Variants in ARK2N observed in about 807,000 individuals in gnomAD.
ARK2N encodes the protein arkadia (RNF111) N-terminal like PKA signaling regulator 2N.
At chr18:46,231,080 T>C in the ARK2N span, among the ~76,000 whole-genome samples, 768 of 152,312 alleles carry the variant, frequency 5.0e-3, 8 homozygotes, top group African/African-American at 0.017. Flanking sequence ...ATTGTACTTT[T>C]TGTACATTAT....
chr18:46,255,425 CTTTGCTTTTCTTTTCTTTTCTTTTTT>C, the ARK2N span, among the ~76,000 whole-genome samples: 7 of 134,570 alleles, frequency 5.2e-5, no homozygotes, highest in Non-Finnish European at 6.3e-5. Context: ...CTTTTCTTTT[CTTTGCTTTTCTTTTCTTTTCTTTTTT>C]TTTTTTTTTT....
the ARK2N span, among the ~76,000 whole-genome samples, chr18:46,247,248 T>G: frequency 6.6e-6 from 1 of 152,036 alleles, no homozygotes; most frequent in Admixed American, 6.6e-5. Context: ...AAAAATAAAG[T>G]GATGACATTT....
the ARK2N span, among the ~76,000 whole-genome samples, chr18:46,181,798 G>GGGTC: frequency 1.3e-5 from 2 of 152,120 alleles, no homozygotes; most frequent in Non-Finnish European, 2.9e-5. Context: ...GATTGAGATG[G>GGGTC]GGTCTTACTA....
At chr18:46,242,051 C>T in the ARK2N span, among the ~76,000 whole-genome samples, 5 of 152,066 alleles carry the variant, frequency 3.3e-5, no homozygotes, top group Non-Finnish European at 7.4e-5. Context: ...TCAGATGATC[C>T]GCCTGCCTTG....
the ARK2N span, among the ~76,000 whole-genome samples, chr18:46,257,337 T>A: frequency 1.8e-3 from 276 of 152,298 alleles, 3 homozygotes; most frequent in East Asian, 0.028. Flanking sequence ...CCTTTTTTGA[T>A]AGTTATTTTT....
chr18:46,239,912 G>A, the ARK2N span: 1 of 1,156,774 alleles, frequency 8.6e-7, no homozygotes, highest in Non-Finnish European at 1.3e-6. Context: ...ATAGAATAAT[G>A]AAGGCAACTG....
the ARK2N span, among the ~76,000 whole-genome samples, chr18:46,259,370 A>G: frequency 6.6e-6 from 1 of 150,742 alleles, no homozygotes; most frequent in South Asian, 2.1e-4. Context: ...TAGCCTCCTG[A>G]GTAGCTGGGA....
chr18:46,212,905 A>C, the ARK2N span, among the ~76,000 whole-genome samples: 1,735 of 152,048 alleles, frequency 0.011, 61 homozygotes, highest in East Asian at 0.12. Flanking sequence ...TTCTTTCACA[A>C]ATTGAGACTT....
the ARK2N span, among the ~76,000 whole-genome samples, chr18:46,246,745 C>A: frequency 8.9e-5 from 13 of 146,096 alleles, no homozygotes; most frequent in African/African-American, 3.3e-4. Flanking sequence ...GAGTTCGAGA[C>A]CAGCCTTACC....
At chr18:46,207,680 G>A in the ARK2N span, among the ~76,000 whole-genome samples, 11 of 152,118 alleles carry the variant, frequency 7.2e-5, no homozygotes, top group Non-Finnish European at 1.3e-4. Context: ...GAGCCACGGC[G>A]CCTGACCTTC....
the ARK2N span, chr18:46,239,964 C>T: frequency 1.6e-5 from 26 of 1,581,780 alleles, no homozygotes; most frequent in South Asian, 1.9e-4. Context: ...ATTTTTCACC[C>T]CACACGTTAG....
chr18:46,202,425 C>T, the ARK2N span, among the ~76,000 whole-genome samples: 1 of 151,528 alleles, frequency 6.6e-6, no homozygotes, highest in Non-Finnish European at 1.5e-5. Flanking sequence ...GAGCTAGGCA[C>T]TTTACTTAAG....
At chr18:46,206,099 TTTTC>T in the ARK2N span, among the ~76,000 whole-genome samples, 4 of 150,960 alleles carry the variant, frequency 2.6e-5, no homozygotes, top group Admixed American at 6.6e-5. Flanking sequence ...AAACTTTTTT[TTTTC>T]TTTTTTTTTC....
At chr18:46,175,494 A>G in the ARK2N span, among the ~76,000 whole-genome samples, 1 of 152,070 alleles carries the variant, frequency 6.6e-6, no homozygotes, top group Middle Eastern at 3.4e-3. Context: ...TCCAGTAATC[A>G]GAGCATTGCC....
At chr18:46,233,818 A>C in the ARK2N span, among the ~76,000 whole-genome samples, 1 of 152,188 alleles carries the variant, frequency 6.6e-6, no homozygotes, top group Non-Finnish European at 1.5e-5. Context: ...GTATAATGGA[A>C]AAAGTACAAA....
the ARK2N span, chr18:46,240,083 T>G: frequency 6.2e-7 from 1 of 1,614,212 alleles, no homozygotes; most frequent in Non-Finnish European, 8.5e-7. Flanking sequence ...GACAATTTAT[T>G]GGCGGCTGCA....
At chr18:46,206,446 G>A in the ARK2N span, among the ~76,000 whole-genome samples, 4 of 152,218 alleles carry the variant, frequency 2.6e-5, no homozygotes, top group African/African-American at 7.2e-5. Context: ...GTGGTCTTCA[G>A]CCCCATTTTT....
the ARK2N span, chr18:46,216,010 G>A: frequency 2.5e-6 from 4 of 1,614,054 alleles, no homozygotes; most frequent in African/African-American, 4.0e-5. This position sits in a 1 kb window ranked among gnomAD's most constrained non-coding sequence, Gnocchi z 4.3. Flanking sequence ...AGTTCAGAAA[G>A]ATGGTGTAGC....
At chr18:46,184,128 TTA>T in the ARK2N span, among the ~76,000 whole-genome samples, 1 of 152,144 alleles carries the variant, frequency 6.6e-6, no homozygotes, top group South Asian at 2.1e-4. Context: ...GTAGCTAGGA[TTA>T]CAGGTGCCTA....
Sources: gnomAD v4.1 joint callset for allele counts (sites outside exome capture counted in the v4.1 genomes callset) on GRCh38, gnomAD v4.1.1 for gene constraint, Gnocchi (gnomAD v3.1) non-coding constraint, MANE v1.5 for transcripts, NCBI Gene and HGNC (gene_info 2026-07-23, HGNC 2026-07-21) for gene names.